Variants in AUTS2 observed in about 807,000 individuals in gnomAD.
The protein encoded by AUTS2 is autism susceptibility gene 2 protein.
A neutral mutation model predicts 112.4 loss-of-function variants in AUTS2; 17 were observed. The observed-to-expected ratio is 0.15, with a 90% CI of 0.10 to 0.23. The LOEUF (loss-of-function observed/expected upper bound fraction) is 0.23. AUTS2 is among the 10% of genes least tolerant of loss of function. The pLI is 1.00. For missense variants in AUTS2, 1,510 were observed against 1,701.6 expected, an observed-to-expected ratio of 0.89 and a Z score of 1.98; for synonymous variants, 751 against 702.7, an observed-to-expected ratio of 1.07 and a Z score of -1.09.
chr7:70,724,046 C>T (rs1049552175), intron 6 of AUTS2, among the ~76,000 whole-genome samples: 1 of 152,056 alleles, frequency 6.6e-6, no homozygotes, highest in African/African-American at 2.4e-5. Flanking sequence ...CACCTGCCAC[C>T]ACACCTGGCT....
intron 5 of AUTS2, among the ~76,000 whole-genome samples, chr7:70,633,095 C>A (rs958249138): frequency 6.6e-6 from 1 of 152,222 alleles, no homozygotes. Context: ...AAGACAGTGA[C>A]TGTCCGGGGG....
At chr7:70,605,546 C>CTCTTTTTTTT (rs1554440368) in intron 5 of AUTS2, among the ~76,000 whole-genome samples, 2 of 70,678 alleles carry the variant, frequency 2.8e-5, no homozygotes, top group African/African-American at 1.3e-4. Flanking sequence ...CCTTCTTTCT[C>CTCTTTTTTTT]TTTTTTTTTT....
At chr7:70,393,171 A>C (rs1413736402) in intron 4 of AUTS2, among the ~76,000 whole-genome samples, 1 of 152,180 alleles carries the variant, frequency 6.6e-6, no homozygotes, top group Non-Finnish European at 1.5e-5. Context: ...CATGTCCTCC[A>C]GCCTGTATCT....
At chr7:70,247,892 A>G (rs987750595) in intron 4 of AUTS2, among the ~76,000 whole-genome samples, 36 of 152,164 alleles carry the variant, frequency 2.4e-4, no homozygotes, top group African/African-American at 8.7e-4. Flanking sequence ...GGTAGCTTTT[A>G]TCAGATTAAG....
chr7:70,260,191 C>T (rs1787093200), intron 4 of AUTS2, among the ~76,000 whole-genome samples: 1 of 151,766 alleles, frequency 6.6e-6, no homozygotes, highest in African/African-American at 2.4e-5. Context: ...TGGTGAAACC[C>T]TGTCTCTACT....
At chr7:70,162,222 G>A (rs1007588479) in intron 4 of AUTS2, among the ~76,000 whole-genome samples, 9 of 151,572 alleles carry the variant, frequency 5.9e-5, no homozygotes, top group East Asian at 5.8e-4. Flanking sequence ...CGAGGCGGGC[G>A]GATCACGAGG....
At chr7:70,249,074 T>G (rs915938178) in intron 4 of AUTS2, among the ~76,000 whole-genome samples, 1 of 152,254 alleles carries the variant, frequency 6.6e-6, no homozygotes, top group African/African-American at 2.4e-5. Flanking sequence ...ATATTGAAGA[T>G]GTCATTCTAG....
intron 4 of AUTS2, among the ~76,000 whole-genome samples, chr7:70,157,488 A>T (rs1160505085): frequency 6.6e-6 from 1 of 150,864 alleles, no homozygotes; most frequent in Non-Finnish European, 1.5e-5. Flanking sequence ...TTATTTATTT[A>T]TTTTTTCTTT....
intron 4 of AUTS2, among the ~76,000 whole-genome samples, chr7:70,355,058 A>T (rs537815733): frequency 7.4e-6 from 1 of 134,962 alleles, no homozygotes; most frequent in Non-Finnish European, 1.6e-5. Context: ...GTGTGTGTGT[A>T]TGTATGGGTG....
chr7:69,677,521 G>A (rs771606688), intron 1 of AUTS2, among the ~76,000 whole-genome samples: 1 of 152,078 alleles, frequency 6.6e-6, no homozygotes, highest in Non-Finnish European at 1.5e-5. Flanking sequence ...GAAAAAAGAT[G>A]GTATCTTGTC....
At chr7:70,734,566 C>T (rs12698932) in intron 6 of AUTS2, among the ~76,000 whole-genome samples, 10,189 of 152,078 alleles carry the variant, frequency 0.067, 497 homozygotes, top group East Asian at 0.19. Context: ...TATGGTTTGG[C>T]GTGCTTGTGG....
chr7:70,084,508 A>G lies in AUTS2; in HGVS notation c.523-33624A>G, dbSNP rs1803489775. Reference sequence around the variant, plus strand: ...TTTATATGCTCACCAGCAGTGTGTAAGAGTCCCATTGTTTCCATATCCTTG... The same window carrying G: ...TTTATATGCTCACCAGCAGTGTGTAGGAGTCCCATTGTTTCCATATCCTTG... On this transcript the variant is annotated intron_variant, in intron 2 of 18. Transcript: ENST00000342771. Among the ~76,000 whole-genome samples, 4 of 152,234 alleles carry G rather than the reference A, an allele frequency of 2.6e-5. No homozygotes were observed. In the South Asian group the frequency reaches 8.3e-4, roughly 31 times the overall value.
intron 1 of AUTS2, among the ~76,000 whole-genome samples, chr7:69,807,785 A>G (rs778587680): frequency 1.3e-5 from 2 of 152,164 alleles, no homozygotes; most frequent in Non-Finnish European, 2.9e-5. Flanking sequence ...GGACTTCTTA[A>G]CATGACAGCT....
intron 14 of AUTS2, among the ~76,000 whole-genome samples, chr7:70,777,963 G>A (rs1790815411): frequency 6.6e-6 from 1 of 152,178 alleles, no homozygotes; most frequent in African/African-American, 2.4e-5. Context: ...TGAAGATGAT[G>A]CCGCTGAACT....
chr7:70,550,435 A>T (rs944055864), intron 5 of AUTS2, among the ~76,000 whole-genome samples: 1 of 152,208 alleles, frequency 6.6e-6, no homozygotes, highest in South Asian at 2.1e-4. Context: ...TGCCAAAAAA[A>T]ATAAGCTGAA....
intron 1 of AUTS2, among the ~76,000 whole-genome samples, chr7:69,611,744 C>A (rs1266255490): frequency 6.6e-6 from 1 of 150,896 alleles, no homozygotes; most frequent in Non-Finnish European, 1.5e-5. Context: ...TCCTGGCTAA[C>A]AAGGTGAAAC....
intron 5 of AUTS2, among the ~76,000 whole-genome samples, chr7:70,455,531 G>A (rs915328315): frequency 6.6e-6 from 1 of 152,190 alleles, no homozygotes; most frequent in Non-Finnish European, 1.5e-5. Context: ...CAGCAGCTGA[G>A]CGTGGAGAGG....
At chr7:69,750,255 T>C (rs1232081505) in intron 1 of AUTS2, among the ~76,000 whole-genome samples, 2 of 151,946 alleles carry the variant, frequency 1.3e-5, no homozygotes, top group South Asian at 4.2e-4. Context: ...TTCTCAAGTT[T>C]CGATTTGAAG....
intron 2 of AUTS2, among the ~76,000 whole-genome samples, chr7:70,007,379 C>T (rs1202333626): frequency 6.6e-6 from 1 of 152,112 alleles, no homozygotes; most frequent in South Asian, 2.1e-4. Flanking sequence ...TTAATAACCA[C>T]TCTTACATTT....
Sources: allele counts gnomAD v4.1 joint callset (sites outside exome capture counted in the v4.1 genomes callset), GRCh38; gene constraint gnomAD v4.1.1; transcripts MANE v1.5; gene names NCBI Gene and HGNC (gene_info 2026-07-23, HGNC 2026-07-21).